The following DLST variants were observed in gnomAD, a reference collection of about 807,000 sequenced individuals.
DLST encodes dihydrolipoamide S-succinyltransferase, also known as dihydrolipoyllysine-residue succinyltransferase component of 2-oxoglutarate dehydrogenase complex, mitochondrial.
A neutral mutation model predicts 53.1 loss-of-function variants in DLST; 17 were observed. The ratio of observed to expected loss-of-function variants is 0.32; its 90% confidence interval spans 0.22 to 0.48. The LOEUF is 0.48. Ranked by LOEUF, DLST falls within the 20% of genes least tolerant of loss-of-function variation. The pLI is 0.99. For synonymous variants in DLST, 206 were observed against 204.8 expected, an observed-to-expected ratio of 1.01 and a Z score of -0.05; for missense variants, 512 against 583.9, an observed-to-expected ratio of 0.88 and a Z score of 1.27.
chr14:74,899,580 A>C (rs1317990106), intron 11 of DLST, among the ~76,000 whole-genome samples: 1 of 152,068 alleles, frequency 6.6e-6, no homozygotes, highest in African/African-American at 2.4e-5. Context: ...ACATTTGTTA[A>C]CCCTAGTCAT....
chr14:74,892,817 C>T lies in DLST; in HGVS notation c.443-17C>T. 6.3e-7 allele frequency: 1 copy of T among 1,596,158 alleles called. No individual in the cohort carries two copies. Among genetic ancestry groups the T allele is most frequent in the African/African-American group, 1.4e-5 (1 of 73,986 alleles). Reference sequence around the variant, plus strand: ...TTTCAGACAGTGCCAGTGGCATATACTTTTCTTGTTTTTCAGCTGCTCCTG... The same window carrying T: ...TTTCAGACAGTGCCAGTGGCATATATTTTTCTTGTTTTTCAGCTGCTCCTG... On this transcript the variant is annotated splice_polypyrimidine_tract_variant and intron_variant, in intron 7 of 14. Transcript: ENST00000334220.
intron 10 of DLST, among the ~76,000 whole-genome samples, chr14:74,896,302 TGTG>T (rs1181769629): frequency 6.6e-6 from 1 of 152,236 alleles, no homozygotes; most frequent in Non-Finnish European, 1.5e-5. Context: ...TCATTTCTGT[TGTG>T]AGGATTTTGT....
chr14:74,901,307 A>G, intron 14 of DLST, 74 bp downstream of exon 14: 7 of 1,410,146 alleles, frequency 5.0e-6, no homozygotes, highest in Non-Finnish European at 6.8e-6. Flanking sequence ...TGCTAATTGT[A>G]AAACATTAAC....
Position 74,901,059 on chromosome 14 carries a change from T to C in DLST, c.1060-7T>C. ...CTTGATATTTCAATTATGAAATCTGTTTTTAGGCCCGAAAGAATGAACTTG... is the reference window on the plus strand; with the variant it reads ...CTTGATATTTCAATTATGAAATCTGCTTTTAGGCCCGAAAGAATGAACTTG... On this transcript the variant is annotated splice_region_variant and splice_polypyrimidine_tract_variant and intron_variant, in intron 13 of 14. Transcript: ENST00000334220. 1 of 1,613,150 alleles carries C rather than the reference T, an allele frequency of 6.2e-7. No individual in the cohort carries two copies. Among genetic ancestry groups the C allele is most frequent in the East Asian group, 2.2e-5 (1 of 44,856 alleles).
chr14:74,891,269 T>A (rs1390894540), intron 7 of DLST, 102 bp downstream of exon 7: 1 of 1,555,252 alleles, frequency 6.4e-7, no homozygotes, highest in Non-Finnish European at 8.7e-7. Context: ...ACTCTTGTCA[T>A]TCCAGCTGCC....
At chr14:74,887,315 A>T (rs1271292423) in intron 3 of DLST, among the ~76,000 whole-genome samples, 1 of 152,204 alleles carries the variant, frequency 6.6e-6, no homozygotes, top group Non-Finnish European at 1.5e-5. Flanking sequence ...TGTAGTGAAC[A>T]TCTAGTTATT....
chr14:74,882,206 C>T (rs1385348026), intron 1 of DLST, among the ~76,000 whole-genome samples, 190 bp downstream of exon 1: 1 of 152,150 alleles, frequency 6.6e-6, no homozygotes, highest in Non-Finnish European at 1.5e-5. Context: ...GCCCAGCGGC[C>T]CCCTGCCTTC....
rs1883826424 is a variant in DLST, at chr14:74,889,478, C to T, written c.274+129C>T. ...CTGCCTCCCAGGTTCAAGTGATTCT[C>T]CTGCCTCAGCCTCCCGAATAGCTGG... On this transcript the variant is annotated intron_variant, in intron 5 of 14. Transcript: ENST00000334220. 12 of 737,816 alleles carry T rather than the reference C, an allele frequency of 1.6e-5. No individual in the cohort carries two copies. In the South Asian group the frequency reaches 1.9e-4, roughly 12 times the overall value. The allele number at this position is 737,816 out of a possible 1,614,324, so 45.7% of individuals were successfully genotyped here. A position where few individuals can be genotyped will look rare whatever the true frequency, so the allele number is the denominator to read the frequency against.
At chr14:74,889,713 C>T in intron 5 of DLST, 184 bp from the exon 6 acceptor site, 1 of 603,698 alleles carries the variant, frequency 1.7e-6, no homozygotes, top group South Asian at 2.2e-5. Flanking sequence ...TAAGTGCTAT[C>T]TAAAATTCTC....
At chr14:74,882,496 C>T in intron 1 of DLST, 95 bp from the exon 2 acceptor site, 1 of 1,274,080 alleles carries the variant, frequency 7.8e-7, no homozygotes, top group Admixed American at 1.8e-5. Flanking sequence ...TCACCTGTCA[C>T]CACCACTGGG....
At chr14:74,892,754 A>C in intron 7 of DLST, 80 bp from the exon 8 acceptor site, 1 of 1,427,682 alleles carries the variant, frequency 7.0e-7, no homozygotes, top group African/African-American at 1.4e-5. Context: ...GATTGGAGCT[A>C]GAGTTTTTGC....
intron 6 of DLST, among the ~76,000 whole-genome samples, chr14:74,890,688 C>G (rs1883873003): frequency 6.6e-6 from 1 of 152,148 alleles, no homozygotes; most frequent in African/African-American, 2.4e-5. Flanking sequence ...TATTGTGTTG[C>G]AACTCTTGTT....
rs914013211 is a variant in DLST at position 74,884,730 on chromosome 14, T to A, written c.98-856T>A. ...TTTGCACTGCATAGTCATTGGCTGC[T>A]GGACATAAAGGTGACTGGCTTACCT... is the stretch of plus-strand genomic sequence containing the variant. On this transcript the variant is annotated intron_variant, in intron 2 of 14. Transcript: ENST00000334220. 5.3e-5 allele frequency among the ~76,000 whole-genome samples: 8 copies of A among 152,300 alleles called. No individual in the cohort carries two copies. The East Asian group carries it at 1.5e-3, about 29-fold the overall frequency.
Position 74,900,321 on chromosome 14 carries a change from A to C in DLST, c.1008A>C (p.Glu336Asp), listed in dbSNP as rs1026942348. 1.2e-6 allele frequency: 2 copies of C among 1,613,994 alleles called. No homozygotes were observed. The highest frequency in any genetic ancestry group is 1.7e-4 in the Middle Eastern group (1 of 6,060). ...TGGTTCCAGTCATCAGGAATGTGGAAGCTATGAATTTTGCAGATATTGAAC... is the reference window on the plus strand; with the variant it reads ...TGGTTCCAGTCATCAGGAATGTGGACGCTATGAATTTTGCAGATATTGAAC... ...GLVVPVIRNV[E>D]AMNFADIERT... is the part of the protein sequence containing the mutation. Residue 336 changes from glutamate to aspartate, a missense_variant, in exon 13 of 15, where the codon GAA becomes GAC. By Grantham distance (45) the Glu-to-Asp change is conservative. Around this residue, in one of 4 missense-constraint regions of DLST, gnomAD observed 186 missense variants for 260.4 expected, o/e 0.71. Coordinates refer to ENST00000334220, the MANE Select transcript of DLST (RefSeq NM_001933.5).
rs1883808786 is a variant in DLST at position 74,889,133 on chromosome 14, C to T, written c.185C>T (p.Thr62Ile). The T allele has an allele frequency of 6.2e-7, 1 of 1,614,008 alleles. No individual in the cohort carries two copies. The highest frequency in any genetic ancestry group is 1.3e-5 in the African/African-American group (1 of 74,894). The part of the protein sequence containing the change: ...NSVFSVRFFR[T>I]TAVCKDDLVT... ...GTCTTCAGTGTTCGCTTTTTCAGAA[C>T]TACAGCTGTATGCAGTAAGTACCTG... Residue 62 changes from threonine to isoleucine, a missense_variant, in exon 4 of 15, where the codon ACT becomes ATT. This residue lies in a region of DLST where 129 missense variants were observed against 90.9 expected (regional missense o/e 1.42). Transcript: ENST00000334220.
intron 6 of DLST, 68 bp downstream of exon 6, chr14:74,890,020 G>C (rs1273047490): frequency 2.1e-6 from 3 of 1,400,864 alleles, no homozygotes; most frequent in Non-Finnish European, 3.0e-6. Flanking sequence ...GAAAGAAACA[G>C]GGACTTAACC....
intron 10 of DLST, among the ~76,000 whole-genome samples, chr14:74,895,036 G>A (rs1459865905): frequency 6.6e-6 from 1 of 152,018 alleles, no homozygotes; most frequent in Non-Finnish European, 1.5e-5. Flanking sequence ...AAGACCAGCT[G>A]GGTAACAAGG....
intron 6 of DLST, among the ~76,000 whole-genome samples, chr14:74,890,550 C>T (rs1288173924): frequency 6.6e-6 from 1 of 152,146 alleles, no homozygotes; most frequent in Non-Finnish European, 1.5e-5. Flanking sequence ...CACTTGGAAA[C>T]ATATTAACTG....
chr14:74,884,936 G>T (rs767167881), intron 2 of DLST, among the ~76,000 whole-genome samples: 27 of 152,306 alleles, frequency 1.8e-4, no homozygotes, highest in Admixed American at 3.9e-4. Flanking sequence ...CTATGATAAG[G>T]ACAGCTGGTG....
Sources: gnomAD v4.1 joint callset for allele counts (sites outside exome capture counted in the v4.1 genomes callset) on GRCh38, gnomAD v4.1.1 for gene constraint, gnomAD v4.1.1 regional missense constraint, MANE v1.5 for transcripts, NCBI Gene and HGNC (gene_info 2026-07-23, HGNC 2026-07-21) for gene names.